The following ZNF521 variants were observed in gnomAD, a reference collection of about 807,000 sequenced individuals.
ZNF521 encodes the protein zinc finger protein 521, also known as LYST-interacting protein 3.
A neutral mutation model predicts 105.5 loss-of-function variants in ZNF521; 14 were observed. That is an observed-to-expected ratio of 0.13 (90% CI 0.09 to 0.21). ZNF521 has a LOEUF of 0.21. ZNF521 is among the 10% of genes least tolerant of loss of function. ZNF521 has a pLI of 1.00. For missense variants in ZNF521, 1,233 were observed against 1,629.7 expected (o/e 0.76, Z 4.19); for synonymous variants, 635 against 606.0 (o/e 1.05, Z -0.70).
intron 2 of ZNF521, among the ~76,000 whole-genome samples, chr18:25,335,049 C>T (rs1276374219): frequency 6.6e-6 from 1 of 152,120 alleles, no homozygotes; most frequent in Non-Finnish European, 1.5e-5. Context: ...TCCCTTGTGT[C>T]TACTCATTGT....
intron 3 of ZNF521, among the ~76,000 whole-genome samples, chr18:25,261,011 C>G (rs1299758833): frequency 6.6e-6 from 1 of 152,164 alleles, no homozygotes; most frequent in Non-Finnish European, 1.5e-5. Context: ...AAGCAAGCTC[C>G]TTCTCTGCTT....
chr18:25,150,549 TG>T (rs1409314107), intron 5 of ZNF521, among the ~76,000 whole-genome samples: 2 of 152,184 alleles, frequency 1.3e-5, no homozygotes, highest in Non-Finnish European at 1.5e-5. Flanking sequence ...CAGAGGATGT[TG>T]ATCTTGGAGA....
chr18:25,108,902 G>A (rs2034127775), intron 5 of ZNF521, among the ~76,000 whole-genome samples: 1 of 152,132 alleles, frequency 6.6e-6, no homozygotes, highest in Admixed American at 6.6e-5. Context: ...TGGGATTACA[G>A]GTGTGAGCCA....
Position 25,227,258 on chromosome 18 carries a change from G to A in ZNF521, c.660C>T (p.His220=). The A allele has an allele frequency of 6.2e-7, 1 of 1,614,144 alleles. No homozygotes were observed. The highest frequency in any genetic ancestry group is 1.1e-5 in the South Asian group (1 of 91,084). ...CCTTGTTCCTCTCATGAACCTGCAT[G>A]TGTCCGTGTAAGGAACTAGAGGACA... is the stretch of plus-strand genomic sequence containing the variant. ...GFLSSSSLHG[H]MQVHERNKDG... is the part of the protein sequence containing the mutation. Residue 220 remains histidine, a synonymous_variant, in exon 4 of 8, where the codon CAC becomes CAT. Coordinates refer to ENST00000361524, the MANE Select transcript of ZNF521 (RefSeq NM_015461.3). This position sits in a 1 kb window ranked among gnomAD's most constrained non-coding sequence, Gnocchi z 5.7.
At chr18:25,161,158 G>A (rs1035835363) in intron 5 of ZNF521, among the ~76,000 whole-genome samples, 1 of 152,074 alleles carries the variant, frequency 6.6e-6, no homozygotes, top group East Asian at 1.9e-4. Flanking sequence ...CTCCTAGTAC[G>A]TCACACTCCC....
intron 7 of ZNF521, among the ~76,000 whole-genome samples, chr18:25,065,713 T>C (rs28579980): frequency 6.6e-6 from 1 of 152,158 alleles, no homozygotes; most frequent in South Asian, 2.1e-4. Context: ...TGTGATTGGA[T>C]TCTAGGGGTT....
intron 5 of ZNF521, among the ~76,000 whole-genome samples, chr18:25,103,732 T>C (rs2034013651): frequency 6.9e-6 from 1 of 145,300 alleles, no homozygotes; most frequent in South Asian, 2.1e-4. Context: ...ACAGTTGTTA[T>C]CCTCTGTGAT....
chr18:25,289,304 T>C (rs913426585), intron 3 of ZNF521, among the ~76,000 whole-genome samples: 1 of 152,230 alleles, frequency 6.6e-6, no homozygotes, highest in Non-Finnish European at 1.5e-5. Flanking sequence ...TGAATAAACA[T>C]TATTTTCTTT....
intron 5 of ZNF521, among the ~76,000 whole-genome samples, chr18:25,110,305 A>T (rs1029167907): frequency 1.5e-4 from 23 of 152,274 alleles, no homozygotes; most frequent in African/African-American, 5.1e-4. Flanking sequence ...GGGACTGAGG[A>T]GGTGAGGAGA....
chr18:25,349,965 A>T (rs1186160515), intron 2 of ZNF521, among the ~76,000 whole-genome samples: 1 of 151,474 alleles, frequency 6.6e-6, no homozygotes, highest in Admixed American at 6.6e-5. Flanking sequence ...GGAGCGCCGG[A>T]CCTCGCGGCT....
At chr18:25,077,770 T>A (rs1311182215) in intron 7 of ZNF521, among the ~76,000 whole-genome samples, 1 of 151,980 alleles carries the variant, frequency 6.6e-6, no homozygotes, top group East Asian at 1.9e-4. Context: ...TCTGCAACTG[T>A]GGTTAAGCAG....
At position 25,114,154 on chromosome 18, in the gene ZNF521, T is replaced by TG. The variant is rs143048653; in HGVS notation, c.3659-22074dup. On this transcript the variant is annotated intron_variant, in intron 5 of 7. Coordinates refer to ENST00000361524, the MANE Select transcript of ZNF521 (RefSeq NM_015461.3). ...CCCAATTTCAGGGAGGGGTGGGGGT[T>TG]GGGGGAAAGAAAAGAGGGTGGCAGC... is the stretch of plus-strand genomic sequence containing the variant. Among the ~76,000 whole-genome samples the TG allele has an allele frequency of 1.7e-3, 256 of 152,014 alleles. 6 individuals carry two copies. The East Asian group carries it at 0.044, about 26-fold the overall frequency.
chr18:25,223,346 G>C (rs1384507674), intron 4 of ZNF521, among the ~76,000 whole-genome samples: 1 of 152,204 alleles, frequency 6.6e-6, no homozygotes, highest in Non-Finnish European at 1.5e-5. Context: ...AGTCTTCTCA[G>C]CCCGCCCCTG....
intron 5 of ZNF521, among the ~76,000 whole-genome samples, chr18:25,140,907 T>A (rs2034834890): frequency 6.6e-6 from 1 of 152,142 alleles, no homozygotes; most frequent in African/African-American, 2.4e-5. Context: ...CTGCTTTCAA[T>A]GGACTCAATT....
At position 25,333,075 on chromosome 18, in the gene ZNF521, T is replaced by C. The variant is rs530677822; in HGVS notation, c.41-10888A>G. Among the ~76,000 whole-genome samples the C allele has an allele frequency of 1.2e-4, 18 of 151,904 alleles. No individual in the cohort carries two copies. The South Asian group carries it at 3.5e-3, about 30-fold the overall frequency. On this transcript the variant is annotated intron_variant, in intron 2 of 7. Coordinates refer to ENST00000361524, the MANE Select transcript of ZNF521 (RefSeq NM_015461.3). ...ATATACATATACAAATCTATACATA[T>C]GTATATATACATATATACTAGAGTA...
intron 3 of ZNF521, among the ~76,000 whole-genome samples, chr18:25,283,160 A>G (rs925414460): frequency 1.3e-5 from 2 of 152,208 alleles, no homozygotes; most frequent in East Asian, 3.8e-4. Context: ...ACATATCAAC[A>G]AGCACCTCCA....
At chr18:25,158,844 TAC>T (rs1343670618) in intron 5 of ZNF521, among the ~76,000 whole-genome samples, 6 of 151,996 alleles carry the variant, frequency 3.9e-5, no homozygotes, top group Non-Finnish European at 5.9e-5. Context: ...TAATCAGAGC[TAC>T]TCTGGAGGCT....
At chr18:25,339,428 G>A (rs1319580375) in intron 2 of ZNF521, among the ~76,000 whole-genome samples, 4 of 152,070 alleles carry the variant, frequency 2.6e-5, no homozygotes, top group Admixed American at 2.0e-4. Flanking sequence ...CACTGATATC[G>A]CTGTTAAATA....
At chr18:25,124,940 T>C (rs45501298) in intron 5 of ZNF521, among the ~76,000 whole-genome samples, 3 of 152,304 alleles carry the variant, frequency 2.0e-5, no homozygotes, top group Non-Finnish European at 4.4e-5. Context: ...TTTATATTGC[T>C]TATGGAAGTG....
Sources: allele counts gnomAD v4.1 joint callset (sites outside exome capture counted in the v4.1 genomes callset), GRCh38; gene constraint gnomAD v4.1.1; non-coding constraint Gnocchi (gnomAD v3.1); transcripts MANE v1.5; gene names NCBI Gene and HGNC (gene_info 2026-07-23, HGNC 2026-07-21).